Variants in VGLL4 observed in about 807,000 individuals in gnomAD.
VGLL4 encodes the protein transcription cofactor vestigial-like protein 4.
VGLL4 carries 7 observed loss-of-function variants against 21.0 expected under a neutral mutation model. The ratio of observed to expected loss-of-function variants is 0.33; its 90% CI spans 0.19 to 0.63. The LOEUF is 0.63. Ranked by LOEUF, VGLL4 falls within the 20% of genes least tolerant of loss-of-function variation. The probability of loss-of-function intolerance (pLI) is 0.78; values close to 1 mark genes in which losing one functional copy is unlikely to be tolerated. For synonymous variants in VGLL4, 222 were observed against 173.2 expected, an observed-to-expected ratio of 1.28 and a Z score of -2.21; for missense variants, 394 against 425.7, an observed-to-expected ratio of 0.93 and a Z score of 0.66.
chr3:11,562,958 C>T (rs2073159037), intron 3 of VGLL4, among the ~76,000 whole-genome samples: 3 of 152,228 alleles, frequency 2.0e-5, no homozygotes, highest in African/African-American at 7.2e-5. Context: ...CGTGGGCAGC[C>T]AGGCCCATTC....
intron 2 of VGLL4, among the ~76,000 whole-genome samples, chr3:11,595,974 A>T (rs1179257007): frequency 6.6e-6 from 1 of 152,054 alleles, no homozygotes; most frequent in Non-Finnish European, 1.5e-5. Flanking sequence ...CCTAAAACTT[A>T]AAGTATAATA....
chr3:11,638,114 A>G (rs916815281), intron 1 of VGLL4, among the ~76,000 whole-genome samples: 7 of 152,202 alleles, frequency 4.6e-5, no homozygotes, highest in African/African-American at 1.7e-4. Flanking sequence ...CAACATCCTC[A>G]CAGTCAGGGA....
At chr3:11,701,123 A>T (rs758747978) in intron 2 of VGLL4, among the ~76,000 whole-genome samples, 19 of 152,138 alleles carry the variant, frequency 1.2e-4, no homozygotes, top group Non-Finnish European at 2.1e-4. Flanking sequence ...TAAGAATGTG[A>T]TCCCCAACGT....
intron 2 of VGLL4, among the ~76,000 whole-genome samples, chr3:11,700,319 T>C (rs1455492507): frequency 6.6e-6 from 1 of 152,220 alleles, no homozygotes; most frequent in Non-Finnish European, 1.5e-5. Flanking sequence ...AACAGTATTT[T>C]GTTTTATTAT....
intron 2 of VGLL4, among the ~76,000 whole-genome samples, chr3:11,576,092 G>T (rs2074036056): frequency 6.6e-6 from 1 of 152,156 alleles, no homozygotes; most frequent in African/African-American, 2.4e-5. Context: ...TGAGAAACAG[G>T]TCATGGCTGA....
intron 2 of VGLL4, among the ~76,000 whole-genome samples, chr3:11,578,772 T>C (rs779536171): frequency 1.9e-5 from 2 of 102,590 alleles, no homozygotes; most frequent in Non-Finnish European, 4.0e-5. Flanking sequence ...TTTTTTGAGA[T>C]GGAGTCTCGC....
At chr3:11,577,593 C>G (rs192811626) in intron 2 of VGLL4, among the ~76,000 whole-genome samples, 2 of 152,164 alleles carry the variant, frequency 1.3e-5, no homozygotes, top group Non-Finnish European at 2.9e-5. Context: ...ACCCCACCCC[C>G]CAAAAAAACT....
chr3:11,643,877 C>A lies in VGLL4; in HGVS notation c.-359G>T. ...GACAAAGCGGCGCCGGCCCCTCTCACAGCCCGCTGCAAGCCGGCAGCGCTG... is the reference window on the plus strand; with the variant it reads ...GACAAAGCGGCGCCGGCCCCTCTCAAAGCCCGCTGCAAGCCGGCAGCGCTG... On this transcript the variant is annotated 5_prime_UTR_variant, in exon 1 of 5. Coordinates refer to ENST00000430365, the MANE Select transcript of VGLL4 (RefSeq NM_001128219.3). The A allele has an allele frequency of 9.7e-7, 1 of 1,030,518 alleles. No individual in the cohort carries two copies. Among genetic ancestry groups the A allele is most frequent in the Non-Finnish European group, 1.2e-6 (1 of 858,048 alleles). 63.8% of individuals were successfully genotyped at this position (1,030,518 alleles called of 1,614,324 possible). A position where few individuals can be genotyped will look rare whatever the true frequency, so the allele number is the denominator to read the frequency against.
In VGLL4 at chr3:11,557,930, T is replaced by TA. The variant is rs774897542; in HGVS notation, c.*625dup. ...CCTTCCAAAGCTGTATTGTCTACAT[T>TA]AAAAAAAACAAAAACAGTAACAACA... On this transcript the variant is annotated 3_prime_UTR_variant, in exon 5 of 5. Coordinates refer to ENST00000430365, the MANE Select transcript of VGLL4 (RefSeq NM_001128219.3). 48 of 153,784 alleles carry TA rather than the reference T, an allele frequency of 3.1e-4. 1 individual carries two copies. In the East Asian group the frequency reaches 4.2e-3, roughly 14 times the overall value. The allele number at this position is 153,784 out of a possible 1,614,324, so 9.5% of individuals were successfully genotyped here.
intron 1 of VGLL4, among the ~76,000 whole-genome samples, chr3:11,705,148 T>TC (rs1181329465): frequency 6.6e-6 from 1 of 152,130 alleles, no homozygotes; most frequent in African/African-American, 2.4e-5. Context: ...CACTGAAAAC[T>TC]CCATCTAAGC....
chr3:11,643,544 C>G lies in VGLL4; in HGVS notation c.-26G>C, dbSNP rs2075736640. 1 of 1,613,716 alleles carries G rather than the reference C, an allele frequency of 6.2e-7. No homozygotes were observed. Among genetic ancestry groups the G allele is most frequent in the African/African-American group, 1.3e-5 (1 of 74,926 alleles). On this transcript the variant is annotated 5_prime_UTR_variant, in exon 1 of 5. Transcript: ENST00000430365. The stretch of plus-strand genomic sequence containing the variant: ...TTATTGGGCTAGCAAAGAAAACCAG[C>G]TCTTTGCTTTTGCCCCAAAAGAGTT...
chr3:11,576,890 A>G (rs899643980), intron 2 of VGLL4, among the ~76,000 whole-genome samples: 1 of 152,200 alleles, frequency 6.6e-6, no homozygotes, highest in African/African-American at 2.4e-5. Context: ...CCCTCTAGAC[A>G]CCCCTGGAGG....
intron 1 of VGLL4, among the ~76,000 whole-genome samples, chr3:11,639,846 A>T (rs2125327845): frequency 6.6e-6 from 1 of 152,260 alleles, no homozygotes; most frequent in South Asian, 2.1e-4. Flanking sequence ...ACTGCACTCT[A>T]GTCTGGGCGA....
chr3:11,678,951 C>T (rs112972211), intron 2 of VGLL4, among the ~76,000 whole-genome samples: 30 of 152,288 alleles, frequency 2.0e-4, no homozygotes, highest in African/African-American at 5.3e-4. Context: ...TGTTGTGCAA[C>T]GCCTTACGTG....
In VGLL4 at chr3:11,558,696, G is replaced by A; in HGVS notation, c.751C>T (p.Leu251=). 3.7e-6 allele frequency: 6 copies of A among 1,614,050 alleles called. No homozygotes were observed. The highest frequency in any genetic ancestry group is 5.1e-6 in the Non-Finnish European group (6 of 1,180,032). ...TTGATCTGGAGCCACGTGTCACCCA[G>A]AGCTTTGGCAAAGTGGTCGTCCACG... The part of the protein sequence containing the change: ...GSVDDHFAKA[L]GDTWLQIKAA... Residue 251 remains leucine, a synonymous_variant, in exon 5 of 5, where the codon CTG becomes TTG. Coordinates refer to ENST00000430365, the MANE Select transcript of VGLL4 (RefSeq NM_001128219.3).
In VGLL4 at chr3:11,558,583, G is replaced by A. The variant is rs201402320; in HGVS notation, c.864C>T (p.His288=). The A allele has an allele frequency of 6.5e-5, 104 of 1,603,738 alleles. 1 individual carries two copies. In the East Asian group the frequency reaches 1.3e-3, roughly 21 times the overall value. The change falls in exon 5 of 5, where the codon CAC becomes CAT. Residue 288 remains histidine, a synonymous_variant. Transcript: ENST00000430365. The part of the protein sequence containing the change: ...PASPSAHMVS[H]SHSPSVVS Reference sequence around the variant, plus strand: ...AGGAGACCACAGAGGGGGAGTGACTGTGGCTGACCATGTGGGCAGAGGGGC... The same window carrying A: ...AGGAGACCACAGAGGGGGAGTGACTATGGCTGACCATGTGGGCAGAGGGGC...
At position 11,601,849 on chromosome 3, in the gene VGLL4, T is replaced by C. The variant is rs1309392221; in HGVS notation, c.256A>G (p.Ile86Val). Residue 86 changes from isoleucine to valine, a missense_variant, in exon 2 of 5, where the codon ATC (isoleucine) becomes GTC (valine). Coordinates refer to ENST00000430365, the MANE Select transcript of VGLL4 (RefSeq NM_001128219.3). ...DNDHVSKMSR[I>V]FNPHLNKTAN... Reference sequence around the variant, plus strand: ...GGAACTCACAGATGGGGGTTGAAGATGCGACTCATTTTGGAGACGTGGTCG... The same window carrying C: ...GGAACTCACAGATGGGGGTTGAAGACGCGACTCATTTTGGAGACGTGGTCG... The C allele has an allele frequency of 6.2e-7, 1 of 1,613,854 alleles. No individual in the cohort carries two copies. Among genetic ancestry groups the C allele is most frequent in the Non-Finnish European group, 8.5e-7 (1 of 1,179,878 alleles).
intron 2 of VGLL4, among the ~76,000 whole-genome samples, chr3:11,586,769 T>C (rs1478019718): frequency 6.6e-6 from 1 of 152,220 alleles, no homozygotes; most frequent in Non-Finnish European, 1.5e-5. Context: ...CGGCTGTATA[T>C]GACAATCGCT....
chr3:11,657,640 A>G (rs2075976578), intron 2 of VGLL4, among the ~76,000 whole-genome samples: 1 of 152,152 alleles, frequency 6.6e-6, no homozygotes, highest in Non-Finnish European at 1.5e-5. Context: ...AAGAGATCTA[A>G]AACTCCTGGC....
Sources: gnomAD v4.1 joint callset for allele counts (sites outside exome capture counted in the v4.1 genomes callset) on GRCh38, gnomAD v4.1.1 for gene constraint, MANE v1.5 for transcripts, NCBI Gene and HGNC (gene_info 2026-07-23, HGNC 2026-07-21) for gene names.